ZSWIM6: variants seen among roughly 807,000 people sequenced by gnomAD.
The protein encoded by ZSWIM6 is zinc finger SWIM domain-containing protein 6.
In ZSWIM6, 9 loss-of-function variants were observed where a neutral mutation model predicts 113.2. That is an observed-to-expected ratio of 0.08 (90% CI 0.05 to 0.14). ZSWIM6 has a LOEUF of 0.14. Ranked by LOEUF, ZSWIM6 falls within the 10% of genes least tolerant of loss-of-function variation. The probability of loss-of-function intolerance (pLI) is 1.00; values close to 1 mark genes in which losing one functional copy is unlikely to be tolerated. For synonymous variants in ZSWIM6, 611 were observed against 606.5 expected, an observed-to-expected ratio of 1.01 and a Z score of -0.11; for missense variants, 1,162 against 1,552.2, an observed-to-expected ratio of 0.75 and a Z score of 4.22.
chr5:61,390,404 T>A (rs1327011789), intron 1 of ZSWIM6, among the ~76,000 whole-genome samples: 1 of 152,190 alleles, frequency 6.6e-6, no homozygotes, highest in African/African-American at 2.4e-5. Flanking sequence ...GATACCTTAT[T>A]CCTCCAGTAT....
At chr5:61,335,462 A>G (rs1744372186) in intron 1 of ZSWIM6, among the ~76,000 whole-genome samples, 2 of 152,224 alleles carry the variant, frequency 1.3e-5, no homozygotes, top group South Asian at 4.1e-4. Flanking sequence ...CTTTATGGGG[A>G]ACAGAGAGAG....
chr5:61,332,519 C>A lies in ZSWIM6; in HGVS notation c.247C>A (p.Arg83Ser). ...CGAGTCGCTGCTGGACATCGCGGCG[C>A]GCAGGGTGGCGGAGAAGTGGCCGTT... ...SPESLLDIAA[R>S]RVAEKWPFQR... Residue 83 changes from arginine (R) to serine (S), a missense_variant, in exon 1 of 14, where the codon CGC becomes AGC. Physicochemically the swap from Arg to Ser is moderately radical, Grantham distance 110 (BLOSUM62 -1). Transcript: ENST00000252744. 7.5e-7 allele frequency: 1 copy of A among 1,326,978 alleles called. No homozygotes were observed. Among genetic ancestry groups the A allele is most frequent in the Non-Finnish European group, 9.9e-7 (1 of 1,010,098 alleles). 82.2% of individuals were successfully genotyped at this position (1,326,978 alleles called of 1,614,324 possible).
At chr5:61,337,086 G>A (rs1309433392) in intron 1 of ZSWIM6, among the ~76,000 whole-genome samples, 1 of 152,158 alleles carries the variant, frequency 6.6e-6, no homozygotes, top group Non-Finnish European at 1.5e-5. Context: ...TTAGAGACCA[G>A]CCTGGCCAAC....
chr5:61,518,359 G>A (rs1177695737), intron 4 of ZSWIM6, among the ~76,000 whole-genome samples: 12 of 151,476 alleles, frequency 7.9e-5, no homozygotes, highest in Admixed American at 3.3e-4. Context: ...CTGAGGAATC[G>A]CCACACTGAC....
Position 61,472,624 on chromosome 5 carries a change from T to C in ZSWIM6, c.677-57T>C. The C allele has an allele frequency of 3.0e-6, 4 of 1,330,870 alleles. No individual in the cohort carries two copies. The highest frequency in any genetic ancestry group is 1.6e-5 in the South Asian group (1 of 61,794). The allele number at this position is 1,330,870 out of a possible 1,614,324, so 82.4% of individuals were successfully genotyped here. A position where few individuals can be genotyped will look rare whatever the true frequency, so the allele number is the denominator to read the frequency against. ...CCACACATTTCAAAGAATTAGAGCA[T>C]TTCATAGCATCTGAATGCAGAAGCT... On this transcript the variant is annotated intron_variant, in intron 1 of 13. Coordinates refer to ENST00000252744, the MANE Select transcript of ZSWIM6 (RefSeq NM_020928.2). This position sits in a 1 kb window ranked among gnomAD's most constrained non-coding sequence, Gnocchi z 4.1.
In ZSWIM6 at chr5:61,530,092, G is replaced by A. The variant is rs1749391192; in HGVS notation, c.1878G>A (p.Glu626=). ...ACATAACCTCGATAACCAATCTGGAGGGCTGGGTTGGACATCCCCTGGACC... is the reference window on the plus strand; with the variant it reads ...ACATAACCTCGATAACCAATCTGGAAGGCTGGGTTGGACATCCCCTGGACC... ...HKNITSITNL[E]GWVGHPLDPV... Residue 626 remains glutamate, a synonymous_variant, in exon 8 of 14, where the codon GAG becomes GAA. Coordinates refer to ENST00000252744, the MANE Select transcript of ZSWIM6 (RefSeq NM_020928.2). 1 of 1,551,540 alleles carries A rather than the reference G, an allele frequency of 6.4e-7. No individual in the cohort carries two copies. The highest frequency in any genetic ancestry group is 8.7e-7 in the Non-Finnish European group (1 of 1,146,840).
At chr5:61,350,727 A>G (rs1744765691) in intron 1 of ZSWIM6, among the ~76,000 whole-genome samples, 1 of 152,330 alleles carries the variant, frequency 6.6e-6, no homozygotes, top group Admixed American at 6.5e-5. Context: ...TACCTGAGCC[A>G]TTAGGAGGCG....
chr5:61,456,498 G>C (rs1034178468), intron 1 of ZSWIM6, among the ~76,000 whole-genome samples: 2 of 152,228 alleles, frequency 1.3e-5, no homozygotes, highest in African/African-American at 4.8e-5. Context: ...AGTAACTGCA[G>C]ATGTCCCCAG....
intron 1 of ZSWIM6, among the ~76,000 whole-genome samples, chr5:61,421,597 A>G (rs969582409): frequency 6.6e-5 from 10 of 152,222 alleles, no homozygotes; most frequent in Admixed American, 4.6e-4. Context: ...TATTAAACCC[A>G]GTACCCAACA....
At chr5:61,411,513 C>G (rs941718820) in intron 1 of ZSWIM6, among the ~76,000 whole-genome samples, 4 of 152,226 alleles carry the variant, frequency 2.6e-5, no homozygotes, top group Admixed American at 6.5e-5. Flanking sequence ...TTTAAAATTA[C>G]TTTTGTCTAG....
intron 1 of ZSWIM6, among the ~76,000 whole-genome samples, chr5:61,340,929 A>G (rs1478806600): frequency 6.6e-6 from 1 of 152,262 alleles, no homozygotes; most frequent in East Asian, 1.9e-4. Context: ...TGGAAATCGT[A>G]GTAATGTTTG....
chr5:61,428,382 A>G (rs1341572068), intron 1 of ZSWIM6, among the ~76,000 whole-genome samples: 1 of 152,078 alleles, frequency 6.6e-6, no homozygotes, highest in Non-Finnish European at 1.5e-5. Context: ...TTTATTTTAG[A>G]GATGGGGTCC....
In ZSWIM6 at chr5:61,393,202, G is replaced by A. The variant is rs376248837; in HGVS notation, c.676+60254G>A. Reference sequence around the variant, plus strand: ...ACTACAGGCGCACACCACCACTCCCGACTAATTTTTTTTTTTTGTATTTTT... The same window carrying A: ...ACTACAGGCGCACACCACCACTCCCAACTAATTTTTTTTTTTTGTATTTTT... On this transcript the variant is annotated intron_variant, in intron 1 of 13. Transcript: ENST00000252744. Among the ~76,000 whole-genome samples the A allele has an allele frequency of 1.6e-4, 24 of 150,968 alleles. No individual in the cohort carries two copies. In the East Asian group the frequency reaches 4.5e-3, roughly 29 times the overall value.
intron 1 of ZSWIM6, among the ~76,000 whole-genome samples, chr5:61,400,627 C>A (rs1355275304): frequency 6.6e-6 from 1 of 152,180 alleles, no homozygotes; most frequent in Non-Finnish European, 1.5e-5. Flanking sequence ...ATTTTTTTGA[C>A]CCTTGGCAGT....
intron 1 of ZSWIM6, among the ~76,000 whole-genome samples, chr5:61,382,816 AAAAG>A (rs57053318): frequency 0.32 from 47,541 of 150,070 alleles, 8,441 homozygotes; most frequent in Non-Finnish European, 0.42. Flanking sequence ...AAATAAAAAA[AAAAG>A]AAAGAAAGAA....
intron 1 of ZSWIM6, among the ~76,000 whole-genome samples, chr5:61,357,287 T>G (rs746149044): frequency 2.3e-4 from 35 of 152,110 alleles, no homozygotes; most frequent in Non-Finnish European, 4.4e-4. Context: ...GCAAGGTAGA[T>G]TGAATGATGA....
intron 1 of ZSWIM6, among the ~76,000 whole-genome samples, chr5:61,399,713 T>C (rs922247843): frequency 5.3e-5 from 8 of 152,248 alleles, no homozygotes; most frequent in African/African-American, 1.7e-4. Context: ...CTAAACACTG[T>C]AATTGGTTTC....
intron 1 of ZSWIM6, among the ~76,000 whole-genome samples, chr5:61,399,896 A>G (rs576884511): frequency 2.0e-5 from 3 of 152,164 alleles, no homozygotes; most frequent in Admixed American, 2.0e-4. Flanking sequence ...CTGTTTAATG[A>G]TTGTTATAAC....
At chr5:61,394,812 C>G (rs916694447) in intron 1 of ZSWIM6, among the ~76,000 whole-genome samples, 11 of 152,092 alleles carry the variant, frequency 7.2e-5, no homozygotes, top group African/African-American at 2.4e-4. Flanking sequence ...GAAACAGTTA[C>G]CCCCTTTTTC....
Sources: allele counts gnomAD v4.1 joint callset (sites outside exome capture counted in the v4.1 genomes callset), GRCh38; gene constraint gnomAD v4.1.1; non-coding constraint Gnocchi (gnomAD v3.1); transcripts MANE v1.5; gene names NCBI Gene and HGNC (gene_info 2026-07-23, HGNC 2026-07-21).